Variants in DISP1 observed in about 807,000 individuals in gnomAD.
The protein encoded by DISP1 is protein dispatched homolog 1.
In DISP1, 30 loss-of-function variants were observed where a neutral mutation model predicts 37.3. The ratio of observed to expected loss-of-function variants is 0.80; its 90% confidence interval spans 0.60 to 1.09. The LOEUF (loss-of-function observed/expected upper bound fraction) is 1.09. Among genes scored for constraint, DISP1 ranks in the 50% least tolerant of loss-of-function variants. The pLI is 0.00. For missense variants in DISP1, 1,598 were observed against 1,879.5 expected (o/e 0.85, Z 2.77); for synonymous variants, 634 against 690.2 (o/e 0.92, Z 1.28).
chr1:222,847,793 A>AT (rs903942418), intron 1 of DISP1, among the ~76,000 whole-genome samples: 5 of 151,490 alleles, frequency 3.3e-5, no homozygotes, highest in African/African-American at 7.3e-5. Context: ...CTCCCAGTGA[A>AT]TTTTTTTTTG....
intron 4 of DISP1, among the ~76,000 whole-genome samples, chr1:222,987,529 A>C (rs1678368845): frequency 6.6e-6 from 1 of 152,254 alleles, no homozygotes; most frequent in Non-Finnish European, 1.5e-5. Context: ...ATATGTAGTC[A>C]GTGCACGTAT....
At chr1:222,872,737 A>G (rs1669663610) in intron 1 of DISP1, among the ~76,000 whole-genome samples, 1 of 152,094 alleles carries the variant, frequency 6.6e-6, no homozygotes, top group South Asian at 2.1e-4. Flanking sequence ...TCCTGGATTC[A>G]CTGATTTTTT....
intron 1 of DISP1, among the ~76,000 whole-genome samples, chr1:222,828,823 C>G (rs73126902): frequency 0.022 from 3,381 of 152,046 alleles, 154 homozygotes; most frequent in African/African-American, 0.077. Context: ...ATTGTTGGCT[C>G]TTCTATACAT....
chr1:222,982,785 G>A (rs542219121), intron 3 of DISP1, among the ~76,000 whole-genome samples: 70 of 152,298 alleles, frequency 4.6e-4, no homozygotes, highest in African/African-American at 1.6e-3. Context: ...GTAGATCTCA[G>A]AGAAGAATGT....
intron 1 of DISP1, among the ~76,000 whole-genome samples, chr1:222,843,249 A>C (rs1667710915): frequency 6.6e-6 from 1 of 152,066 alleles, no homozygotes; most frequent in East Asian, 1.9e-4. Context: ...AAATTATGCC[A>C]ACATAGAAGA....
At chr1:222,980,581 C>G (rs929360121) in intron 3 of DISP1, among the ~76,000 whole-genome samples, 1 of 152,098 alleles carries the variant, frequency 6.6e-6, no homozygotes, top group African/African-American at 2.4e-5. Flanking sequence ...TAATCCAACA[C>G]GCACTGATCT....
chr1:223,003,081 G>A lies in DISP1; in HGVS notation c.1684G>A (p.Ala562Thr). The change falls in exon 9 of 9, where the codon GCC becomes ACC. Residue 562 changes from alanine (A) to threonine (T), a missense_variant. Transcript: ENST00000675850. The surrounding 1 kb of genome is among the most constrained non-coding windows in gnomAD (Gnocchi z 4.3). ...ATTTTTTCCTTTTATGAACCTCACT[G>A]CCCTCATTATTTTGGTTGGAATTGG... Reference protein sequence around the residue: ...FEFFPFMNLTALIILVGIGAD... With the variant: ...FEFFPFMNLTTLIILVGIGAD... 6.2e-7 allele frequency: 1 copy of A among 1,614,058 alleles called. No homozygotes were observed. Among genetic ancestry groups the A allele is most frequent in the Non-Finnish European group, 8.5e-7 (1 of 1,180,018 alleles).
At chr1:222,855,454 A>G (rs1668496553) in intron 1 of DISP1, among the ~76,000 whole-genome samples, 1 of 152,214 alleles carries the variant, frequency 6.6e-6, no homozygotes. Flanking sequence ...GTAATCAACA[A>G]ACTGAACTAG....
intron 3 of DISP1, among the ~76,000 whole-genome samples, chr1:222,966,535 C>T (rs901663497): frequency 6.6e-6 from 1 of 152,044 alleles, no homozygotes; most frequent in African/African-American, 2.4e-5. Flanking sequence ...GTTGAATTAA[C>T]CTGAATTTTA....
intron 3 of DISP1, among the ~76,000 whole-genome samples, chr1:222,976,506 C>G (rs915440506): frequency 1.3e-5 from 2 of 152,066 alleles, no homozygotes; most frequent in African/African-American, 4.8e-5. Context: ...ATAGAAACTT[C>G]AGAGGGATCT....
intron 3 of DISP1, among the ~76,000 whole-genome samples, chr1:222,944,761 A>G (rs1572580588): frequency 1.3e-5 from 2 of 152,200 alleles, no homozygotes; most frequent in Admixed American, 6.5e-5. Flanking sequence ...GTGTTTGGCA[A>G]TCTTTGCTCA....
chr1:222,966,437 G>GA (rs112898785), intron 3 of DISP1, among the ~76,000 whole-genome samples: 2 of 152,040 alleles, frequency 1.3e-5, no homozygotes, highest in East Asian at 1.9e-4. Flanking sequence ...AACTTCAAGA[G>GA]AAAAAAATCA....
chr1:222,965,900 A>T (rs1676442331), intron 3 of DISP1, among the ~76,000 whole-genome samples: 1 of 152,090 alleles, frequency 6.6e-6, no homozygotes, highest in South Asian at 2.1e-4. Flanking sequence ...ATGGTAGTAC[A>T]TGCCTGTGGT....
At chr1:222,932,378 G>A (rs2789970) in intron 2 of DISP1, among the ~76,000 whole-genome samples, 39,015 of 151,710 alleles carry the variant, frequency 0.26, 5,235 homozygotes, top group South Asian at 0.47. Flanking sequence ...TGAGACTGCT[G>A]TGATAGACTT....
intron 1 of DISP1, among the ~76,000 whole-genome samples, chr1:222,886,673 G>A (rs1472314923): frequency 6.6e-6 from 1 of 152,216 alleles, no homozygotes; most frequent in Non-Finnish European, 1.5e-5. Context: ...TGTCAGAACT[G>A]TTTTGAGAGA....
intron 1 of DISP1, among the ~76,000 whole-genome samples, chr1:222,907,869 A>G (rs1168619301): frequency 6.6e-6 from 1 of 152,156 alleles, no homozygotes; most frequent in Non-Finnish European, 1.5e-5. Flanking sequence ...GAATTGCTTG[A>G]ACCCTGGAGG....
At chr1:222,930,635 A>G (rs1673333431) in intron 2 of DISP1, among the ~76,000 whole-genome samples, 1 of 152,102 alleles carries the variant, frequency 6.6e-6, no homozygotes, top group Non-Finnish European at 1.5e-5. Flanking sequence ...GAAAAATGTG[A>G]TTTAATTATT....
intron 3 of DISP1, among the ~76,000 whole-genome samples, chr1:222,974,839 G>A (rs376592350): frequency 6.6e-6 from 1 of 152,150 alleles, no homozygotes; most frequent in East Asian, 1.9e-4. Context: ...TATGAAGAAT[G>A]GCTTTGTTTT....
chr1:222,910,815 G>A (rs1282053301), intron 1 of DISP1, among the ~76,000 whole-genome samples: 1 of 152,182 alleles, frequency 6.6e-6, no homozygotes, highest in Non-Finnish European at 1.5e-5. Flanking sequence ...ATTGGAGGCT[G>A]TGCAGTGAAA....
Sources: allele counts gnomAD v4.1 joint callset (sites outside exome capture counted in the v4.1 genomes callset), GRCh38; gene constraint gnomAD v4.1.1; non-coding constraint Gnocchi (gnomAD v3.1); transcripts MANE v1.5; gene names NCBI Gene and HGNC (gene_info 2026-07-23, HGNC 2026-07-21).